Variants in COL4A6 observed in about 807,000 individuals in gnomAD.
COL4A6 encodes collagen type IV alpha 6 chain.
COL4A6 carries 59 observed loss-of-function variants against 126.7 expected under a neutral mutation model. That is an observed-to-expected ratio of 0.47 (90% CI 0.38 to 0.58). The LOEUF is 0.58. Ranked by LOEUF, COL4A6 falls within the 20% of genes least tolerant of loss-of-function variation. The pLI, the probability that COL4A6 is intolerant of heterozygous loss-of-function variation, is 0.00. For synonymous variants in COL4A6, 547 were observed against 496.6 expected, an observed-to-expected ratio of 1.10 and a Z score of -1.35; for missense variants, 1,285 against 1,337.3, an observed-to-expected ratio of 0.96 and a Z score of 0.61.
At chrX:108,375,352 T>C (rs1241700650) in intron 2 of COL4A6, among the ~76,000 whole-genome samples, 1 of 112,056 alleles carries the variant, frequency 8.9e-6, no homozygotes, top group African/African-American at 3.2e-5. Flanking sequence ...TTTTTACTTA[T>C]TTGACTTAAG....
chrX:108,333,106 C>A (rs746217088), intron 2 of COL4A6, among the ~76,000 whole-genome samples: 8 of 110,794 alleles, frequency 7.2e-5, no homozygotes, highest in Non-Finnish European at 1.1e-4. Context: ...AATGAATATT[C>A]TTGTCAATTT....
rs970458295 is a variant in COL4A6 at position 108,383,273 on chromosome X, T to C, written c.63+54669A>G. 2.5e-5 allele frequency: 4 copies of C among 158,334 alleles called. No individual in the cohort carries two copies. In the East Asian group the frequency reaches 5.3e-4, roughly 21 times the overall value. The allele number at this position is 158,334 out of a possible 1,213,427, so 13.0% of individuals were successfully genotyped here. ...ATAATTGACTTTAAAACAAAATATGTTGCTAGAGAAAAATAGGGACATTTT... is the reference window on the plus strand; with the variant it reads ...ATAATTGACTTTAAAACAAAATATGCTGCTAGAGAAAAATAGGGACATTTT... On this transcript the variant is annotated intron_variant, in intron 2 of 44. Coordinates refer to ENST00000334504, the MANE Select transcript of COL4A6 (RefSeq NM_033641.4).
At chrX:108,436,634 A>G (rs753540918) in intron 2 of COL4A6, among the ~76,000 whole-genome samples, 130 of 112,526 alleles carry the variant, frequency 1.2e-3, no homozygotes, top group Non-Finnish European at 2.0e-3. Context: ...AAACTTGTAT[A>G]TTGAAGGAAT....
intron 37 of COL4A6, among the ~76,000 whole-genome samples, chrX:108,166,586 G>A (rs1569325433): frequency 1.8e-5 from 2 of 111,614 alleles, no homozygotes; most frequent in African/African-American, 6.5e-5. Flanking sequence ...TAAAAGTGAT[G>A]GTAGATTTGG....
chrX:108,161,580 T>TCCCCCCC, intron 42 of COL4A6, 39 bp downstream of exon 42: 6 of 644,856 alleles, frequency 9.3e-6, no homozygotes, highest in African/African-American at 2.3e-5. Flanking sequence ...CAGACCACCA[T>TCCCCCCC]CCCCGCCCCG....
At chrX:108,210,465 T>C (rs1409904731) in intron 7 of COL4A6, among the ~76,000 whole-genome samples, 1 of 112,772 alleles carries the variant, frequency 8.9e-6, no homozygotes, top group Admixed American at 9.3e-5. Context: ...GATTATGTTT[T>C]AATTACTTTG....
chrX:108,232,249 C>T (rs1046044759), intron 3 of COL4A6, among the ~76,000 whole-genome samples: 1 of 111,914 alleles, frequency 8.9e-6, no homozygotes, highest in Non-Finnish European at 1.9e-5. Context: ...ATTCATAAAA[C>T]TATTATCAGG....
At chrX:108,422,211 A>T (rs377457431) in intron 2 of COL4A6, among the ~76,000 whole-genome samples, 33 of 110,441 alleles carry the variant, frequency 3.0e-4, no homozygotes, top group African/African-American at 9.9e-4. Flanking sequence ...AAAAATTTTT[A>T]AAAAATTAGC....
intron 2 of COL4A6, among the ~76,000 whole-genome samples, chrX:108,375,827 A>AT (rs111947580): frequency 1.2e-3 from 133 of 109,273 alleles, no homozygotes; most frequent in African/African-American, 3.9e-3. Flanking sequence ...ACAGTCACAC[A>AT]TTTTTTTTTC....
chrX:108,209,905 C>A, intron 8 of COL4A6, 64 bp downstream of exon 8: 2 of 1,149,565 alleles, frequency 1.7e-6, no homozygotes, highest in Non-Finnish European at 2.4e-6. Flanking sequence ...TAGAGAAGAA[C>A]GAAAATGCAC....
At chrX:108,163,548 G>T (rs1374746226) in intron 40 of COL4A6, 4 of 113,919 alleles carry the variant, frequency 3.5e-5, no homozygotes, top group African/African-American at 1.3e-4. Context: ...TTATATGCCA[G>T]GGTCCTGGTA....
chrX:108,438,744 A>C (rs2064321744), upstream of COL4A6, among the ~76,000 whole-genome samples: 1 of 112,916 alleles, frequency 8.9e-6, no homozygotes, highest in Admixed American at 9.3e-5. Flanking sequence ...CACTGATTCA[A>C]ATTGATAGTA....
chrX:108,337,559 T>A (rs2039461547), intron 2 of COL4A6, among the ~76,000 whole-genome samples: 1 of 112,996 alleles, frequency 8.8e-6, no homozygotes, highest in African/African-American at 3.2e-5. Context: ...AGCAAGTGCA[T>A]ATGCTTTGAA....
intron 3 of COL4A6, among the ~76,000 whole-genome samples, chrX:108,295,310 C>T (rs1346548037): frequency 1.8e-5 from 2 of 111,828 alleles, no homozygotes; most frequent in East Asian, 5.6e-4. Flanking sequence ...ACACTTCTTT[C>T]GGGAGCTCTG....
rs763759698 is a variant in COL4A6 at position 108,187,839 on chromosome X, T to A, written c.1767+9A>T. 7.5e-6 allele frequency: 9 copies of A among 1,197,895 alleles called. No homozygotes were observed. The highest frequency in any genetic ancestry group is 2.3e-4 in the Middle Eastern group (1 of 4,287). On this transcript the variant is annotated intron_variant, in intron 22 of 44. Coordinates refer to ENST00000334504, the MANE Select transcript of COL4A6 (RefSeq NM_033641.4). Reference sequence around the variant, plus strand: ...TGTAGAGCTAATCACCTAGGAACGATCAACTTACCGGAAGGCCTGGCAGAC... The same window carrying A: ...TGTAGAGCTAATCACCTAGGAACGAACAACTTACCGGAAGGCCTGGCAGAC...
intron 2 of COL4A6, among the ~76,000 whole-genome samples, chrX:108,403,961 T>C (rs2041150262): frequency 9.0e-6 from 1 of 111,555 alleles, no homozygotes; most frequent in Non-Finnish European, 1.9e-5. Context: ...TCTCTTTACG[T>C]GTCCTGATTT....
intron 2 of COL4A6, among the ~76,000 whole-genome samples, chrX:108,415,456 G>A (rs2041416288): frequency 8.9e-6 from 1 of 112,178 alleles, no homozygotes; most frequent in Non-Finnish European, 1.9e-5. Flanking sequence ...GATTCAACTT[G>A]TGGCTTTGTA....
At chrX:108,213,085 T>A (rs1214362755) in intron 6 of COL4A6, among the ~76,000 whole-genome samples, 1 of 111,845 alleles carries the variant, frequency 8.9e-6, no homozygotes, top group Non-Finnish European at 1.9e-5. Flanking sequence ...GTCAAAGTCC[T>A]ATATGCCAAT....
chrX:108,241,237 T>C (rs73524811), intron 3 of COL4A6, among the ~76,000 whole-genome samples: 6,274 of 110,438 alleles, frequency 0.057, 188 homozygotes, highest in Middle Eastern at 0.1. Context: ...CTCAGGCCTG[T>C]GCTAAGCATC....
Sources: gnomAD v4.1 joint callset for allele counts (sites outside exome capture counted in the v4.1 genomes callset) on GRCh38, gnomAD v4.1.1 for gene constraint, MANE v1.5 for transcripts, NCBI Gene and HGNC (gene_info 2026-07-23, HGNC 2026-07-21) for gene names.